The following MITF variants were observed in gnomAD, a reference collection of about 807,000 sequenced individuals.
The protein encoded by MITF is melanocyte inducing transcription factor, also known as microphthalmia-associated transcription factor.
A neutral mutation model predicts 60.5 loss-of-function variants in MITF; 17 were observed. The ratio of observed to expected loss-of-function variants is 0.28; its 90% CI spans 0.19 to 0.42. MITF has a LOEUF of 0.42. Ranked by LOEUF, MITF falls within the 10% of genes least tolerant of loss-of-function variation. The probability of loss-of-function intolerance (pLI) is 1.00; values close to 1 mark genes in which losing one functional copy is unlikely to be tolerated. For synonymous variants in MITF, 260 were observed against 248.5 expected (o/e 1.05, Z -0.43); for missense variants, 622 against 683.5 (o/e 0.91, Z 1.00).
chr3:69,944,395 T>C (rs1249790141), intron 5 of MITF, among the ~76,000 whole-genome samples: 1 of 152,000 alleles, frequency 6.6e-6, no homozygotes, highest in East Asian at 1.9e-4. Flanking sequence ...CTCAAGGGAA[T>C]TTCCAGATAA....
intron 1 of MITF, among the ~76,000 whole-genome samples, chr3:69,746,531 T>C (rs1703734911): frequency 6.6e-6 from 1 of 152,148 alleles, no homozygotes; most frequent in Admixed American, 6.5e-5. Flanking sequence ...TGTATGTTTG[T>C]GTGTGTGAGG....
chr3:69,866,225 G>A, intron 1 of MITF: 1 of 1,607,072 alleles, frequency 6.2e-7, no homozygotes, highest in Non-Finnish European at 8.5e-7. Flanking sequence ...GACACAGCCA[G>A]TGCCAGAACT....
At chr3:69,850,999 T>A (rs2063815136) in intron 1 of MITF, among the ~76,000 whole-genome samples, 1 of 152,088 alleles carries the variant, frequency 6.6e-6, no homozygotes. Flanking sequence ...AGGCAGAGGC[T>A]GGTTGGGCAT....
At chr3:69,847,838 C>T (rs1437739122) in intron 1 of MITF, among the ~76,000 whole-genome samples, 1 of 152,128 alleles carries the variant, frequency 6.6e-6, no homozygotes, top group East Asian at 1.9e-4. Flanking sequence ...TTGGGGAAGC[C>T]CTTCATAACA....
chr3:69,846,660 T>C (rs981113216), intron 1 of MITF, among the ~76,000 whole-genome samples: 8 of 151,682 alleles, frequency 5.3e-5, no homozygotes, highest in African/African-American at 1.7e-4. Flanking sequence ...CTACTAAAAA[T>C]ACAAAAATTA....
At chr3:69,867,954 C>T (rs1056560615) in intron 1 of MITF, among the ~76,000 whole-genome samples, 3 of 152,116 alleles carry the variant, frequency 2.0e-5, no homozygotes, top group Non-Finnish European at 4.4e-5. Context: ...CTTTTCTGTG[C>T]GTATTCTTTT....
chr3:69,916,883 T>A (rs2065346043), intron 2 of MITF, among the ~76,000 whole-genome samples: 2 of 152,200 alleles, frequency 1.3e-5, no homozygotes, highest in South Asian at 4.1e-4. Flanking sequence ...AATAAACACA[T>A]CATGGTGTAT....
intron 2 of MITF, among the ~76,000 whole-genome samples, chr3:69,898,297 G>A (rs1016012984): frequency 1.3e-5 from 2 of 152,242 alleles, no homozygotes; most frequent in African/African-American, 4.8e-5. Context: ...AAGGACCTGT[G>A]TCAGGAGAGA....
At chr3:69,958,401 G>A (rs1285914241) in intron 8 of MITF, among the ~76,000 whole-genome samples, 1 of 152,104 alleles carries the variant, frequency 6.6e-6, no homozygotes, top group African/African-American at 2.4e-5. Context: ...CTGGGGGCTG[G>A]AACTGTCCCT....
chr3:69,882,745 A>C (rs545555105), intron 2 of MITF, among the ~76,000 whole-genome samples: 1 of 152,312 alleles, frequency 6.6e-6, no homozygotes, highest in Non-Finnish European at 1.5e-5. Flanking sequence ...ATCACGGTAC[A>C]AACCACCAAG....
At chr3:69,748,428 G>A (rs907029326) in intron 1 of MITF, among the ~76,000 whole-genome samples, 5 of 152,052 alleles carry the variant, frequency 3.3e-5, no homozygotes, top group African/African-American at 9.7e-5. Context: ...TTTAGTAGAG[G>A]TGGGGTTTCG....
At chr3:69,913,391 C>T (rs1243809428) in intron 2 of MITF, among the ~76,000 whole-genome samples, 2 of 152,056 alleles carry the variant, frequency 1.3e-5, no homozygotes, top group African/African-American at 2.4e-5. Context: ...GAAGGAAGCA[C>T]GTCATGTATT....
intron 2 of MITF, among the ~76,000 whole-genome samples, chr3:69,913,395 A>G (rs1309447935): frequency 1.3e-5 from 2 of 152,192 alleles, no homozygotes; most frequent in Admixed American, 6.5e-5. Context: ...GAAGCACGTC[A>G]TGTATTGCAT....
At chr3:69,961,451 A>G (rs1330483040) in intron 9 of MITF, among the ~76,000 whole-genome samples, 1 of 151,908 alleles carries the variant, frequency 6.6e-6, no homozygotes. Flanking sequence ...TCACGCCTCT[A>G]ATCCCAGCAC....
At chr3:69,813,048 TAC>T (rs1282337343) in intron 1 of MITF, among the ~76,000 whole-genome samples, 6 of 152,172 alleles carry the variant, frequency 3.9e-5, no homozygotes, top group African/African-American at 1.2e-4. Flanking sequence ...ATGAGCCACT[TAC>T]AATGTACTAT....
intron 2 of MITF, among the ~76,000 whole-genome samples, chr3:69,911,264 C>A (rs1054341394): frequency 6.6e-6 from 1 of 152,152 alleles, no homozygotes; most frequent in Admixed American, 6.5e-5. Context: ...CCAATTAAAC[C>A]TCTTTTTCTT....
intron 1 of MITF, among the ~76,000 whole-genome samples, chr3:69,762,361 A>G (rs1479123207): frequency 1.3e-5 from 2 of 152,194 alleles, no homozygotes; most frequent in Non-Finnish European, 2.9e-5. Context: ...ATAAGAAAAA[A>G]AGGACTTGAT....
chr3:69,941,672 G>T (rs2065972246), intron 5 of MITF, among the ~76,000 whole-genome samples: 1 of 152,108 alleles, frequency 6.6e-6, no homozygotes. Context: ...TCACAGTGGT[G>T]CTCTAGTTGG....
chr3:69,939,215 C>A (rs753173433), intron 4 of MITF, 34 bp downstream of exon 4: 1 of 1,569,114 alleles, frequency 6.4e-7, no homozygotes, highest in East Asian at 2.2e-5. Flanking sequence ...AGGATGAACA[C>A]TTTGTAATGA....
Sources: allele counts gnomAD v4.1 joint callset (sites outside exome capture counted in the v4.1 genomes callset), GRCh38; gene constraint gnomAD v4.1.1; transcripts MANE v1.5; gene names NCBI Gene and HGNC (gene_info 2026-07-23, HGNC 2026-07-21).